Variants in ARRB2 observed in about 807,000 individuals in gnomAD.
ARRB2 encodes the protein arrestin beta 2.
A neutral mutation model predicts 53.4 loss-of-function variants in ARRB2; 21 were observed. The ratio of observed to expected loss-of-function variants is 0.39; its 90% CI spans 0.28 to 0.57. The LOEUF (loss-of-function observed/expected upper bound fraction) is 0.57, where lower values mean the gene tolerates loss of function less well. Ranked by LOEUF, ARRB2 falls within the 20% of genes least tolerant of loss-of-function variation. The pLI, the probability that ARRB2 is intolerant of heterozygous loss-of-function variation, is 0.55. For missense variants in ARRB2, 369 were observed against 527.5 expected (o/e 0.70, Z 2.94); for synonymous variants, 180 against 212.9 (o/e 0.85, Z 1.34).
rs35036758 is a variant in ARRB2, at chr17:4,713,286, G to C, written c.24-1727G>C. Among the ~76,000 whole-genome samples, 787 of 151,956 alleles carry C rather than the reference G, an allele frequency of 5.2e-3. 4 individuals are homozygous for C. Among genetic ancestry groups the C allele is most frequent in the African/African-American group, 0.018 (756 of 41,426 alleles). On this transcript the variant is annotated intron_variant, in intron 1 of 14. Coordinates refer to ENST00000269260, the MANE Select transcript of ARRB2 (RefSeq NM_004313.4). ...GAGGCGGGCGGATCACTAGAGGTCA[G>C]GAGTTTGAGATCAGCCTGGCCAACA... is the stretch of plus-strand genomic sequence containing the variant.
chr17:4,719,469 C>T (rs746768083), intron 11 of ARRB2, 49 bp downstream of exon 11: 30 of 1,599,972 alleles, frequency 1.9e-5, no homozygotes, highest in Admixed American at 6.8e-5. Flanking sequence ...GGCCAGACGT[C>T]GGTTCAGTGC....
At chr17:4,715,208 C>G in intron 2 of ARRB2, 165 bp downstream of exon 2, 1 of 816,328 alleles carries the variant, frequency 1.2e-6, no homozygotes, top group Non-Finnish European at 1.9e-6. Flanking sequence ...AGCCCCTTGC[C>G]GCAGAGGCTG....
rs980075378 is a variant in ARRB2 at position 4,716,985 on chromosome 17, C to T, written c.358-232C>T. 16 of 592,872 alleles carry T rather than the reference C, an allele frequency of 2.7e-5. No homozygotes were observed. The Admixed American group carries it at 4.7e-4, about 17-fold the overall frequency. The allele number at this position is 592,872 out of a possible 1,614,324, so 36.7% of individuals were successfully genotyped here. A position where few individuals can be genotyped will look rare whatever the true frequency, so the allele number is the denominator to read the frequency against. On this transcript the variant is annotated intron_variant, in intron 5 of 14. Coordinates refer to ENST00000269260, the MANE Select transcript of ARRB2 (RefSeq NM_004313.4). ...GAGTAGCTGGGATTACAGGCACGCA[C>T]CACCACACACGACTAATTTTGTATT...
At chr17:4,716,747 A>G (rs1915104082) in intron 5 of ARRB2, 139 bp downstream of exon 5, 4 of 1,416,722 alleles carry the variant, frequency 2.8e-6, no homozygotes, top group South Asian at 1.5e-5. Context: ...TCAGGGTCCC[A>G]GTGCATTCAG....
intron 2 of ARRB2, 173 bp from the exon 3 acceptor site, chr17:4,715,800 A>T: frequency 1.5e-6 from 1 of 680,674 alleles, no homozygotes; most frequent in Non-Finnish European, 2.5e-6. Context: ...AAGGTCCACT[A>T]GTCTGAGAAA....
At position 4,718,702 on chromosome 17, in the gene ARRB2, C is replaced by A. The variant is rs1214894233; in HGVS notation, c.779+18C>A. ...GAACAAGAGTGAGTATCGGGAGAGA[C>A]CCATGTTCCAATCTAGGGGAGAAGA... On this transcript the variant is annotated intron_variant, in intron 10 of 14. Transcript: ENST00000269260. The A allele has an allele frequency of 6.2e-6, 10 of 1,609,694 alleles. No individual in the cohort carries two copies. The African/African-American group carries it at 9.3e-5, about 15-fold the overall frequency.
In ARRB2 at chr17:4,721,125, C is replaced by T. The variant is rs1056313874; in HGVS notation, c.*86C>T. On this transcript the variant is annotated 3_prime_UTR_variant, in exon 15 of 15. Transcript: ENST00000269260. This position sits in a 1 kb window ranked among gnomAD's most constrained non-coding sequence, Gnocchi z 4.2. ...CCCCACTGTCAATGGGGGATTGTCC[C>T]AGCCCCTCTTCCCTTCCCCTCACCT... The T allele has an allele frequency of 1.5e-6, 2 of 1,373,060 alleles. No individual in the cohort carries two copies. Among genetic ancestry groups the T allele is most frequent in the Non-Finnish European group, 2.0e-6 (2 of 975,998 alleles). The allele number at this position is 1,373,060 out of a possible 1,614,324, so 85.1% of individuals were successfully genotyped here.
At chr17:4,718,568 C>T (rs773144124) in intron 9 of ARRB2, 44 bp from the exon 10 acceptor site, 2 of 1,593,864 alleles carry the variant, frequency 1.3e-6, no homozygotes, top group South Asian at 1.1e-5. Flanking sequence ...GTGGTGGTGG[C>T]TTGTGCTCCA....
chr17:4,716,050 A>G lies in ARRB2; in HGVS notation c.115+17A>G. On this transcript the variant is annotated intron_variant, in intron 3 of 14. Coordinates refer to ENST00000269260, the MANE Select transcript of ARRB2 (RefSeq NM_004313.4). ...ACCCTGTAGGTAAGTTTTCCCAGAA[A>G]GGGACAGCTCGTTCCCCAAGAGGGG... 2 of 1,614,204 alleles carry G rather than the reference A, an allele frequency of 1.2e-6. No homozygotes were observed. The highest frequency in any genetic ancestry group is 4.5e-5 in the East Asian group (2 of 44,882).
In ARRB2 at chr17:4,717,210, G is replaced by C. The variant is rs761635740; in HGVS notation, c.358-7G>C. The C allele has an allele frequency of 1.2e-5, 19 of 1,613,792 alleles. No homozygotes were observed. The highest frequency in any genetic ancestry group is 1.4e-5 in the Non-Finnish European group (17 of 1,179,766). On this transcript the variant is annotated splice_region_variant and splice_polypyrimidine_tract_variant and intron_variant, in intron 5 of 14. Coordinates refer to ENST00000269260, the MANE Select transcript of ARRB2 (RefSeq NM_004313.4). The surrounding 1 kb of genome is among the most constrained non-coding windows in gnomAD (Gnocchi z 6.0). ...AGAACTGAAGTCTTCTCCTTCCTCC[G>C]CCACAGATACCCCAGAATCTTCCAT...
In ARRB2 at chr17:4,717,910, C is replaced by T. The variant is rs750508814; in HGVS notation, c.508C>T (p.Arg170Ter). 3 of 1,613,940 alleles carry T rather than the reference C, an allele frequency of 1.9e-6. No homozygotes were observed. The highest frequency in any genetic ancestry group is 2.2e-5 in the East Asian group (1 of 44,846). ...HKRNSVRLVI[R>*]KVQFAPEKPG... is the part of the protein sequence containing the mutation. ...CAGGAACTCTGTGCGGCTGGTGATCCGAAAGGTGCAGTTCGCCCCGGAGAA... is the reference window on the plus strand; with the variant it reads ...CAGGAACTCTGTGCGGCTGGTGATCTGAAAGGTGCAGTTCGCCCCGGAGAA... Residue 170 changes from arginine to a stop codon, truncating the protein, a stop_gained, in exon 8 of 15, where the codon CGA (arginine) becomes TGA (stop). Transcript: ENST00000269260. LOFTEE classifies it high-confidence loss of function. The surrounding 1 kb of genome is among the most constrained non-coding windows in gnomAD (Gnocchi z 6.0).
At position 4,720,937 on chromosome 17, in the gene ARRB2, A is replaced by T; in HGVS notation, c.1137-9A>T. On this transcript the variant is annotated splice_polypyrimidine_tract_variant and intron_variant, in intron 14 of 14. Transcript: ENST00000269260. ...CCCTCACCTCACAACCCTCTTTCCC[A>T]CCACCAAGCTATGCCACAGATGATG... 5.6e-6 allele frequency: 9 copies of T among 1,613,732 alleles called. No individual in the cohort carries two copies. The highest frequency in any genetic ancestry group is 7.6e-6 in the Non-Finnish European group (9 of 1,179,748).
chr17:4,720,562 C>T (rs753641375), intron 13 of ARRB2, 24 bp from the exon 14 acceptor site: 20 of 1,562,664 alleles, frequency 1.3e-5, no homozygotes, highest in Non-Finnish European at 1.7e-5. Context: ...CCCACCCCCA[C>T]ACCCCCTCTT....
Position 4,720,462 on chromosome 17 carries a change from A to G in ARRB2, c.1071A>G (p.Arg357=). The G allele has an allele frequency of 6.2e-7, 1 of 1,611,052 alleles. No individual in the cohort carries two copies. ...CCCACGACCACATCCCCCTCCCCAG[A>G]CCCCAGTCAGGTGAGCACACTACCC... ...PKPHDHIPLP[R]PQSAAPETDV... is the part of the protein sequence containing the mutation. The change falls in exon 13 of 15, where the codon AGA becomes AGG. Residue 357 remains arginine (R), a synonymous_variant. Coordinates refer to ENST00000269260, the MANE Select transcript of ARRB2 (RefSeq NM_004313.4).
intron 9 of ARRB2, 81 bp downstream of exon 9, chr17:4,718,426 C>A (rs1175141239): frequency 1.4e-6 from 2 of 1,480,240 alleles, no homozygotes; most frequent in Admixed American, 1.8e-5. Context: ...CAGCCCAGGC[C>A]ATTTCCCAGT....
chr17:4,718,469 GT>G (rs2150598587), intron 9 of ARRB2, 124 bp downstream of exon 9: 1 of 1,303,450 alleles, frequency 7.7e-7, no homozygotes, highest in East Asian at 2.3e-5. Flanking sequence ...AAGAATTTAG[GT>G]TGTTCCATAA....
intron 5 of ARRB2, 176 bp downstream of exon 5, chr17:4,716,784 C>G: frequency 2.4e-6 from 3 of 1,228,848 alleles, no homozygotes; most frequent in Non-Finnish European, 3.3e-6. Context: ...TGCCTCCTCT[C>G]TGGGGCCCCT....
intron 2 of ARRB2, chr17:4,715,303 A>AT (rs946566911): frequency 3.9e-6 from 2 of 508,988 alleles, no homozygotes; most frequent in Admixed American, 3.6e-5. Flanking sequence ...AAAGCAAGCC[A>AT]TGTGCCTGTA....
chr17:4,714,981 AG>A (rs1314982210), intron 1 of ARRB2, 31 bp from the exon 2 acceptor site: 1 of 1,585,592 alleles, frequency 6.3e-7, no homozygotes, highest in Admixed American at 1.8e-5. Flanking sequence ...AGTCTGAGGG[AG>A]GCAGTGGGGT....
Sources: allele counts gnomAD v4.1 joint callset (sites outside exome capture counted in the v4.1 genomes callset), GRCh38; gene constraint gnomAD v4.1.1; non-coding constraint Gnocchi (gnomAD v3.1); transcripts MANE v1.5; gene names NCBI Gene and HGNC (gene_info 2026-07-23, HGNC 2026-07-21).